FLT3LG: variants seen among roughly 807,000 people sequenced by gnomAD.
FLT3LG encodes fms-related tyrosine kinase 3 ligand.
Under a neutral mutation model 30.9 loss-of-function variants are expected in FLT3LG, and 8 were observed. That is an observed-to-expected ratio of 0.26 (90% CI 0.15 to 0.47). FLT3LG has a LOEUF of 0.47. Among genes scored for constraint, FLT3LG ranks in the 20% least tolerant of loss-of-function variants. The probability of loss-of-function intolerance (pLI) is 0.99; values close to 1 mark genes in which losing one functional copy is unlikely to be tolerated. For missense variants in FLT3LG, 278 were observed against 306.2 expected (o/e 0.91, Z 0.69); for synonymous variants, 123 against 135.9 (o/e 0.91, Z 0.66).
Position 49,480,629 on chromosome 19 carries a change from T to A in FLT3LG, c.*21+9T>A. 6.2e-7 allele frequency: 1 copy of A among 1,604,800 alleles called. No homozygotes were observed. Among genetic ancestry groups the A allele is most frequent in the Non-Finnish European group, 8.5e-7 (1 of 1,175,644 alleles). ...GCCAAGGCCTCATCCTGGTGAGTCC[T>A]TCCTGGGCTATGGGGCCTGGACTTT... On this transcript the variant is annotated intron_variant, in intron 8 of 8. Coordinates refer to ENST00000597551, the MANE Select transcript of FLT3LG (RefSeq NM_001459.4).
chr19:49,478,493 C>T (rs2079476014), intron 5 of FLT3LG, among the ~76,000 whole-genome samples: 1 of 150,098 alleles, frequency 6.7e-6, no homozygotes, highest in African/African-American at 2.4e-5. Context: ...ATAAATATGG[C>T]CAAGCACGGT....
At chr19:49,482,521 G>A (rs778958634) in intron 8 of FLT3LG, 1 of 152,138 alleles carries the variant, frequency 6.6e-6, no homozygotes, top group Non-Finnish European at 1.5e-5. Flanking sequence ...TTCCACCATA[G>A]GGTTGTTATG....
chr19:49,484,730 C>G (rs941347205), intron 8 of FLT3LG, among the ~76,000 whole-genome samples: 1 of 151,940 alleles, frequency 6.6e-6, no homozygotes, highest in Non-Finnish European at 1.5e-5. Context: ...CTCCTGACCT[C>G]GTGATCTGCC....
Position 49,476,710 on chromosome 19 carries a change from T to C in FLT3LG, c.342+144T>C. Reference sequence around the variant, plus strand: ...CGAGAAGCGCCACCCTGCAGAGCCCTGTTCCTACAGAACAACACGTCCCCA... The same window carrying C: ...CGAGAAGCGCCACCCTGCAGAGCCCCGTTCCTACAGAACAACACGTCCCCA... On this transcript the variant is annotated intron_variant, in intron 5 of 8. Coordinates refer to ENST00000597551, the MANE Select transcript of FLT3LG (RefSeq NM_001459.4). This position sits in a 1 kb window ranked among gnomAD's most constrained non-coding sequence, Gnocchi z 5.3. 1 of 1,083,356 alleles carries C rather than the reference T, an allele frequency of 9.2e-7. No homozygotes were observed. The highest frequency in any genetic ancestry group is 1.3e-6 in the Non-Finnish European group (1 of 752,270). 67.1% of individuals were successfully genotyped at this position (1,083,356 alleles called of 1,614,324 possible). A position where few individuals can be genotyped will look rare whatever the true frequency, so the allele number is the denominator to read the frequency against.
rs748399723 is a variant in FLT3LG, at chr19:49,474,653, C to T, written c.14C>T (p.Ala5Val). The T allele has an allele frequency of 3.7e-6, 6 of 1,612,436 alleles. No individual in the cohort carries two copies. Among genetic ancestry groups the T allele is most frequent in the Middle Eastern group, 1.7e-4 (1 of 6,058 alleles). The change falls in exon 2 of 9, where the codon GCG (alanine) becomes GTG (valine). Residue 5 changes from alanine (A) to valine (V), a missense_variant. Physicochemically the swap from Ala to Val is moderately conservative, Grantham distance 64 (BLOSUM62 0). Transcript: ENST00000597551. ...CCCCCGGCCGAAATGACAGTGCTGGCGCCAGCCTGGAGCCCAACAGTGCGT... is the reference window on the plus strand; with the variant it reads ...CCCCCGGCCGAAATGACAGTGCTGGTGCCAGCCTGGAGCCCAACAGTGCGT... MTVL[A>V]PAWSPTTYLL...
rs186669255 is a variant in FLT3LG at position 49,484,954 on chromosome 19, G to A, written c.*22-1061G>A. On this transcript the variant is annotated intron_variant, in intron 8 of 8. Transcript: ENST00000597551. ...ATAAAAATGAGCTGGGCATGGTGGC[G>A]TGCACCCGTAATCCCAGCTAACTCA... 4.6e-3 allele frequency among the ~76,000 whole-genome samples: 701 copies of A among 152,116 alleles called. 2 individuals carry two copies. Among genetic ancestry groups the A allele is most frequent in the African/African-American group, 0.016 (671 of 41,512 alleles).
chr19:49,477,998 G>A (rs554921652), intron 5 of FLT3LG, among the ~76,000 whole-genome samples: 3 of 151,148 alleles, frequency 2.0e-5, no homozygotes, highest in Admixed American at 6.6e-5. Flanking sequence ...AGCCGAGATC[G>A]TGCCACTGTA....
rs1372033044 is a variant in FLT3LG at position 49,478,871 on chromosome 19, G to A, written c.343-38G>A. 4.1e-6 allele frequency: 6 copies of A among 1,473,074 alleles called. No individual in the cohort carries two copies. In the South Asian group the frequency reaches 8.1e-5, roughly 20 times the overall value. The allele number at this position is 1,473,074 out of a possible 1,614,324, so 91.3% of individuals were successfully genotyped here. A position where few individuals can be genotyped will look rare whatever the true frequency, so the allele number is the denominator to read the frequency against. ...TTGGCCTGCGGAGGGGCGGTGGGGGGATGACGTGGTGGTGACGTCTCCCTC... is the reference window on the plus strand; with the variant it reads ...TTGGCCTGCGGAGGGGCGGTGGGGGAATGACGTGGTGGTGACGTCTCCCTC... On this transcript the variant is annotated intron_variant, in intron 5 of 8. Transcript: ENST00000597551.
At chr19:49,474,578 G>A in intron 1 of FLT3LG, 25 bp from the exon 2 acceptor site, 1 of 1,577,042 alleles carries the variant, frequency 6.3e-7, no homozygotes. Flanking sequence ...GAGGGTCCGA[G>A]ACTTGTTCTT....
chr19:49,477,836 A>C (rs2079447518), intron 5 of FLT3LG, among the ~76,000 whole-genome samples: 1 of 151,882 alleles, frequency 6.6e-6, no homozygotes, highest in African/African-American at 2.4e-5. Context: ...TCACGAGGTC[A>C]GGAGTTTGAG....
At chr19:49,485,633 C>T (rs1194051449) in intron 8 of FLT3LG, among the ~76,000 whole-genome samples, 2 of 152,124 alleles carry the variant, frequency 1.3e-5, no homozygotes, top group Non-Finnish European at 2.9e-5. Context: ...CCGCCCGCCT[C>T]GACCTCCTAA....
intron 8 of FLT3LG, among the ~76,000 whole-genome samples, chr19:49,482,572 G>A (rs2079650012): frequency 6.6e-6 from 1 of 151,926 alleles, no homozygotes; most frequent in Non-Finnish European, 1.5e-5. Context: ...TTAGAGCAAC[G>A]CAGTGGAAAC....
chr19:49,479,506 T>TC (rs1174990620), intron 6 of FLT3LG, among the ~76,000 whole-genome samples: 1 of 140,792 alleles, frequency 7.1e-6, no homozygotes. Context: ...ACCTTTTTTT[T>TC]TTTTTTTTTT....
At chr19:49,481,483 T>A (rs903878835) in intron 8 of FLT3LG, 1 of 152,432 alleles carries the variant, frequency 6.6e-6, no homozygotes, top group Admixed American at 6.6e-5. Flanking sequence ...TGGGCCAGCG[T>A]GGGGCAGCAA....
chr19:49,476,598 G>T lies in FLT3LG; in HGVS notation c.342+32G>T, dbSNP rs1453979269. 1 of 1,612,954 alleles carries T rather than the reference G, an allele frequency of 6.2e-7. No individual in the cohort carries two copies. Among genetic ancestry groups the T allele is most frequent in the Non-Finnish European group, 8.5e-7 (1 of 1,179,634 alleles). On this transcript the variant is annotated intron_variant, in intron 5 of 8. Transcript: ENST00000597551. The surrounding 1 kb of genome is among the most constrained non-coding windows in gnomAD (Gnocchi z 5.3). The stretch of plus-strand genomic sequence containing the variant: ...CCTCAACTTAGGGGACAAGTGAGGG[G>T]AGGGAGATGCCTTCCTACGAATTAG...
rs1190930252 is a variant in FLT3LG, at chr19:49,476,217, G to A, written c.198+19G>A. The stretch of plus-strand genomic sequence containing the variant: ...GCAGGACGTAAGTCATGTTGGGAGG[G>A]ACCTGGGATGGAGGTGGGGACCACA... On this transcript the variant is annotated intron_variant, in intron 4 of 8. Transcript: ENST00000597551. The surrounding 1 kb of genome is among the most constrained non-coding windows in gnomAD (Gnocchi z 5.3). 6.3e-7 allele frequency: 1 copy of A among 1,599,518 alleles called. No individual in the cohort carries two copies. The highest frequency in any genetic ancestry group is 2.2e-5 in the East Asian group (1 of 44,828).
chr19:49,483,452 T>C (rs763425616), intron 8 of FLT3LG, among the ~76,000 whole-genome samples: 11 of 152,112 alleles, frequency 7.2e-5, no homozygotes, highest in Non-Finnish European at 1.5e-4. Flanking sequence ...TTCATCTATA[T>C]TTAAATTTCA....
At chr19:49,485,504 C>T (rs2079773762) in intron 8 of FLT3LG, among the ~76,000 whole-genome samples, 1 of 152,182 alleles carries the variant, frequency 6.6e-6, no homozygotes, top group African/African-American at 2.4e-5. Flanking sequence ...TCTCGACTCA[C>T]TGCAACCTCC....
chr19:49,476,221 T>G lies in FLT3LG; in HGVS notation c.198+23T>G, dbSNP rs775804570. 2.6e-5 allele frequency: 42 copies of G among 1,594,588 alleles called. No homozygotes were observed. Among genetic ancestry groups the G allele is most frequent in the Non-Finnish European group, 3.4e-5 (40 of 1,164,732 alleles). ...GACGTAAGTCATGTTGGGAGGGACC[T>G]GGGATGGAGGTGGGGACCACAGACT... is the stretch of plus-strand genomic sequence containing the variant. On this transcript the variant is annotated intron_variant, in intron 4 of 8. Coordinates refer to ENST00000597551, the MANE Select transcript of FLT3LG (RefSeq NM_001459.4). This position sits in a 1 kb window ranked among gnomAD's most constrained non-coding sequence, Gnocchi z 5.3.
Sources: gnomAD v4.1 joint callset for allele counts (sites outside exome capture counted in the v4.1 genomes callset) on GRCh38, gnomAD v4.1.1 for gene constraint, Gnocchi (gnomAD v3.1) non-coding constraint, MANE v1.5 for transcripts, NCBI Gene and HGNC (gene_info 2026-07-23, HGNC 2026-07-21) for gene names.